POFUT3: variants seen among roughly 807,000 people sequenced by gnomAD.
POFUT3 encodes protein O-fucosyltransferase 3.
chr8:33,364,528 G>T, the POFUT3 span, among the ~76,000 whole-genome samples: 1 of 152,092 alleles, frequency 6.6e-6, no homozygotes, highest in Admixed American at 6.6e-5. Flanking sequence ...AAACCCTATC[G>T]TCTCAGCCCA....
the POFUT3 span, chr8:33,372,691 C>T: frequency 9.3e-6 from 15 of 1,614,074 alleles, no homozygotes; most frequent in South Asian, 1.4e-4. Context: ...TGGAAATCCA[C>T]ATCTCTCGCA....
the POFUT3 span, among the ~76,000 whole-genome samples, chr8:33,383,617 G>A: frequency 2.0e-5 from 3 of 152,094 alleles, no homozygotes; most frequent in Non-Finnish European, 4.4e-5. Context: ...TGGCCAACAT[G>A]TTGAAACCCC....
the POFUT3 span, among the ~76,000 whole-genome samples, chr8:33,368,486 G>C: frequency 2.0e-5 from 3 of 152,152 alleles, no homozygotes; most frequent in African/African-American, 7.2e-5. Context: ...CCATATTCTT[G>C]CATCCATATC....
chr8:33,389,382 C>A, the POFUT3 span: 52 of 1,614,014 alleles, frequency 3.2e-5, no homozygotes, highest in Admixed American at 5.0e-5. Context: ...TAAAAGCCAT[C>A]GGCATCCATA....
At chr8:33,315,074 T>C in the POFUT3 span, among the ~76,000 whole-genome samples, 51,686 of 152,100 alleles carry the variant, frequency 0.34, 9,404 homozygotes, top group East Asian at 0.66. Context: ...CAAAGCTAGC[T>C]AGGTGCCTGG....
the POFUT3 span, chr8:33,436,572 T>C: frequency 5.5e-6 from 5 of 904,994 alleles, no homozygotes; most frequent in Admixed American, 8.6e-5. Flanking sequence ...CAGTTCTGTC[T>C]TCTATGTGCA....
At chr8:33,448,933 TA>T in the POFUT3 span, among the ~76,000 whole-genome samples, 9 of 150,894 alleles carry the variant, frequency 6.0e-5, no homozygotes, top group South Asian at 1.0e-3. Flanking sequence ...GACTCCATCT[TA>T]AAAAAAAAGA....
chr8:33,333,242 A>C, the POFUT3 span, among the ~76,000 whole-genome samples: 4 of 152,294 alleles, frequency 2.6e-5, no homozygotes, highest in African/African-American at 9.6e-5. Context: ...TGCAAAATTG[A>C]TATGTTTCAG....
chr8:33,308,946 A>T, the POFUT3 span, among the ~76,000 whole-genome samples: 1 of 150,156 alleles, frequency 6.7e-6, no homozygotes, highest in Non-Finnish European at 1.5e-5. Context: ...TCTGGAGCCC[A>T]GGCTGTTGCT....
chr8:33,377,829 A>G, the POFUT3 span, among the ~76,000 whole-genome samples: 1 of 152,224 alleles, frequency 6.6e-6, no homozygotes, highest in African/African-American at 2.4e-5. Context: ...CAATGAGAAA[A>G]ATACAGATAA....
At chr8:33,319,765 A>G in the POFUT3 span, among the ~76,000 whole-genome samples, 88 of 105,806 alleles carry the variant, frequency 8.3e-4, 11 homozygotes, top group Non-Finnish European at 1.5e-3. Context: ...TATAATATAT[A>G]TATTTAGCCA....
chr8:33,339,619 AT>A, the POFUT3 span, among the ~76,000 whole-genome samples: 1 of 152,192 alleles, frequency 6.6e-6, no homozygotes, highest in African/African-American at 2.4e-5. Context: ...ACATCAAGAC[AT>A]ATCACATCAT....
the POFUT3 span, among the ~76,000 whole-genome samples, chr8:33,395,559 A>G: frequency 1.0e-3 from 152 of 152,100 alleles, no homozygotes; most frequent in South Asian, 7.3e-3. Context: ...CCACCACTCA[A>G]TAAAATCTCC....
the POFUT3 span, among the ~76,000 whole-genome samples, chr8:33,450,278 C>G: frequency 4.6e-5 from 7 of 152,164 alleles, no homozygotes; most frequent in African/African-American, 1.7e-4. Context: ...AGTAGGTGCT[C>G]TCTCCTGTCT....
the POFUT3 span, among the ~76,000 whole-genome samples, chr8:33,431,677 C>G: frequency 6.9e-6 from 1 of 144,442 alleles, no homozygotes; most frequent in Non-Finnish European, 1.5e-5. Flanking sequence ...ACAAAACATT[C>G]TTGGAAACTT....
the POFUT3 span, among the ~76,000 whole-genome samples, chr8:33,347,374 G>A: frequency 3.3e-5 from 5 of 152,214 alleles, no homozygotes; most frequent in African/African-American, 1.2e-4. Flanking sequence ...CCAGCAGTAA[G>A]ACTTGACAAA....
chr8:33,427,195 T>G, the POFUT3 span, among the ~76,000 whole-genome samples: 1 of 152,156 alleles, frequency 6.6e-6, no homozygotes, highest in Non-Finnish European at 1.5e-5. Flanking sequence ...CATAGTGGCA[T>G]GCATCTACCA....
At chr8:33,439,820 T>C in the POFUT3 span, among the ~76,000 whole-genome samples, 1 of 151,352 alleles carries the variant, frequency 6.6e-6, no homozygotes, top group African/African-American at 2.4e-5. Flanking sequence ...TGAGCCAAGA[T>C]CGCGCCACTG....
the POFUT3 span, among the ~76,000 whole-genome samples, chr8:33,425,998 A>G: frequency 0.69 from 104,529 of 151,902 alleles, 36,837 homozygotes; most frequent in African/African-American, 0.84. Context: ...CCGCCTCCCG[A>G]GTTCAAGCAA....
Sources: allele counts gnomAD v4.1 joint callset (sites outside exome capture counted in the v4.1 genomes callset), GRCh38; gene constraint gnomAD v4.1.1; transcripts MANE v1.5; gene names NCBI Gene and HGNC (gene_info 2026-07-23, HGNC 2026-07-21).